PRR27: variants seen among roughly 807,000 people sequenced by gnomAD.
PRR27 encodes the protein proline-rich protein 27.
Under a neutral mutation model 16.8 loss-of-function variants are expected in PRR27, and 12 were observed. The ratio of observed to expected loss-of-function variants is 0.71; its 90% CI spans 0.46 to 1.16. The LOEUF (loss-of-function observed/expected upper bound fraction) is 1.16. Ranked by LOEUF, PRR27 falls within the 50% of genes most tolerant of loss-of-function variation. The pLI is 0.00. For missense variants in PRR27, 277 were observed against 273.3 expected, an observed-to-expected ratio of 1.01 and a Z score of -0.10; for synonymous variants, 100 against 98.4, an observed-to-expected ratio of 1.02 and a Z score of -0.10.
intron 3 of PRR27, among the ~76,000 whole-genome samples, chr4:70,160,474 T>TGTGTGTGTGTGTGTGTGTGTGTGTG (rs1553902854): frequency 6.7e-6 from 1 of 149,670 alleles, no homozygotes. Context: ...TGTGTGTGTG[T>TGTGTGTGTGTGTGTGTGTGTGTGTG]TTTCCCTTGC....
In PRR27 at chr4:70,156,227, T is replaced by C. The variant is rs565294367; in HGVS notation, c.75+150T>C. The C allele has an allele frequency of 1.2e-4, 54 of 446,900 alleles. No homozygotes were observed. The South Asian group carries it at 3.6e-3, about 30-fold the overall frequency. The allele number at this position is 446,900 out of a possible 1,614,324, so 27.7% of individuals were successfully genotyped here. On this transcript the variant is annotated intron_variant, in intron 2 of 4. Transcript: ENST00000344526. ...GTGCTATTAAACTCTTCCGATTTGA[T>C]AGAAAATATTTATGGAATATGTTTG...
rs1728564968 is a variant in PRR27 at position 70,158,859 on chromosome 4, C to A, written c.607C>A (p.Pro203Thr). Residue 203 changes from proline (P) to threonine (T), a missense_variant, in exon 3 of 5, where the codon CCT (proline) becomes ACT (threonine). Physicochemically the swap from Pro to Thr is conservative, Grantham distance 38. Coordinates refer to ENST00000344526, the MANE Select transcript of PRR27 (RefSeq NM_214711.4). ...PSPAEPATAK[P>T]AAPEPHPSPS... is the part of the protein sequence containing the mutation. Reference sequence around the variant, plus strand: ...ACCAGCTGAGCCTGCTACAGCCAAGCCTGCTGCCCCAGAACCTCACCCTTC... The same window carrying A: ...ACCAGCTGAGCCTGCTACAGCCAAGACTGCTGCCCCAGAACCTCACCCTTC... 1.2e-6 allele frequency: 2 copies of A among 1,614,012 alleles called. No individual in the cohort carries two copies. The highest frequency in any genetic ancestry group is 1.7e-6 in the Non-Finnish European group (2 of 1,179,984).
rs147899116 is a variant in PRR27 at position 70,158,412 on chromosome 4, C to A, written c.160C>A (p.Arg54Ser). Reference sequence around the variant, plus strand: ...GAATTTACCACCTCCTCTTTATTATCGCCCAGTGAATACAGTCCCCAGTTA... The same window carrying A: ...GAATTTACCACCTCCTCTTTATTATAGCCCAGTGAATACAGTCCCCAGTTA... ...IRNLPPPLYY[R>S]PVNTVPSYPG... Residue 54 changes from arginine to serine, a missense_variant, in exon 3 of 5, where the codon CGC becomes AGC. Coordinates refer to ENST00000344526, the MANE Select transcript of PRR27 (RefSeq NM_214711.4). 5.0e-6 allele frequency: 8 copies of A among 1,613,590 alleles called. No homozygotes were observed. In the Admixed American group the frequency reaches 8.3e-5, roughly 17 times the overall value.
In PRR27 at chr4:70,155,370, G is replaced by GTTT. The variant is rs113912464; in HGVS notation, c.52-673_52-671dup. Among the ~76,000 whole-genome samples, 1,114 of 143,370 alleles carry GTTT rather than the reference G, an allele frequency of 7.8e-3. 20 individuals carry two copies. Among genetic ancestry groups the GTTT allele is most frequent in the African/African-American group, 0.026 (1,031 of 39,390 alleles). 94.1% of individuals were successfully genotyped at this position (143,370 alleles called of 152,430 possible). A position where few individuals can be genotyped will look rare whatever the true frequency, so the allele number is the denominator to read the frequency against. ...CTCTTTTTTTTGTTGTATGTTTGTG[G>GTTT]TTTTTTTTTTTTTGAGACGGAGTCT... On this transcript the variant is annotated intron_variant, in intron 1 of 4. Coordinates refer to ENST00000344526, the MANE Select transcript of PRR27 (RefSeq NM_214711.4).
At position 70,154,269 on chromosome 4, in the gene PRR27, G is replaced by A; in HGVS notation, c.-107G>A. 1.1e-6 allele frequency: 1 copy of A among 924,494 alleles called. No individual in the cohort carries two copies. The highest frequency in any genetic ancestry group is 1.7e-6 in the Non-Finnish European group (1 of 596,916). The allele number at this position is 924,494 out of a possible 1,614,324, so 57.3% of individuals were successfully genotyped here. ...TTCCTAGACAGACTAAAAAAGCCAT[G>A]TATTCTTTCGTTTCTCTCTAAAAGA... On this transcript the variant is annotated 5_prime_UTR_variant, in exon 1 of 5. It removes an upstream start codon present in the reference 5' UTR. Coordinates refer to ENST00000344526, the MANE Select transcript of PRR27 (RefSeq NM_214711.4).
Position 70,156,077 on chromosome 4 carries a change from G to T in PRR27, c.75G>T (p.Glu25Asp). 7.0e-7 allele frequency: 1 copy of T among 1,419,632 alleles called. No individual in the cohort carries two copies. Among genetic ancestry groups the T allele is most frequent in the Non-Finnish European group, 9.4e-7 (1 of 1,062,570 alleles). 87.9% of individuals were successfully genotyped at this position (1,419,632 alleles called of 1,614,324 possible). A position where few individuals can be genotyped will look rare whatever the true frequency, so the allele number is the denominator to read the frequency against. ...AGAGACGGTTCCCCTTCATTGGTGA[G>T]GTAAAACTTTTTTTTCTTTACACGC... ...ARKRRFPFIG[E>D]DDNDDGHPLH... The change falls in exon 2 of 5, where the codon GAG becomes GAT. Residue 25 changes from glutamate (E) to aspartate (D), a missense_variant and splice_region_variant. Coordinates refer to ENST00000344526, the MANE Select transcript of PRR27 (RefSeq NM_214711.4).
At chr4:70,158,928 A>C (rs1385942077) in intron 3 of PRR27, 28 bp downstream of exon 3, 2 of 1,336,360 alleles carry the variant, frequency 1.5e-6, no homozygotes, top group East Asian at 2.7e-5. Flanking sequence ...TACCACTATA[A>C]TGTATGAGAA....
At position 70,166,368 on chromosome 4, in the gene PRR27, A is replaced by C. The variant is rs1251133362; in HGVS notation, c.*3707A>C. The C allele has an allele frequency of 1.3e-5, 2 of 152,042 alleles. No homozygotes were observed. The highest frequency in any genetic ancestry group is 1.3e-4 in the Admixed American group (2 of 15,252). 9.4% of individuals were successfully genotyped at this position (152,042 alleles called of 1,614,324 possible). On this transcript the variant is annotated 3_prime_UTR_variant, in exon 5 of 5. Coordinates refer to ENST00000344526, the MANE Select transcript of PRR27 (RefSeq NM_214711.4). ...CATGCATATATGTGTGTATGTATAT[A>C]TGTGTGCATGTGCATGCATAGTAAA...
intron 1 of PRR27, among the ~76,000 whole-genome samples, chr4:70,155,715 ACC>A (rs1491577495): frequency 6.8e-6 from 1 of 146,950 alleles, no homozygotes; most frequent in Non-Finnish European, 1.5e-5. Flanking sequence ...ACACACACAC[ACC>A]AGACAAAACC....
At chr4:70,155,007 C>A (rs951095222) in intron 1 of PRR27, among the ~76,000 whole-genome samples, 3 of 152,066 alleles carry the variant, frequency 2.0e-5, no homozygotes, top group African/African-American at 7.2e-5. Context: ...AAAATAATAA[C>A]ACCTACACCA....
chr4:70,165,443 C>A lies in PRR27; in HGVS notation c.*2782C>A, dbSNP rs1366407549. On this transcript the variant is annotated 3_prime_UTR_variant, in exon 5 of 5. Coordinates refer to ENST00000344526, the MANE Select transcript of PRR27 (RefSeq NM_214711.4). ...CATCACTGCATGTATTGTTTAATGT[C>A]GCTTTATGAATCCACCTTCTTCCTT... The A allele has an allele frequency of 6.6e-6, 1 of 152,008 alleles. No individual in the cohort carries two copies. Among genetic ancestry groups the A allele is most frequent in the Non-Finnish European group, 1.5e-5 (1 of 67,942 alleles). 9.4% of individuals were successfully genotyped at this position (152,008 alleles called of 1,614,324 possible).
intron 2 of PRR27, 146 bp downstream of exon 2, chr4:70,156,223 T>A (rs17148265): frequency 2.3e-6 from 1 of 444,292 alleles, no homozygotes; most frequent in South Asian, 7.2e-5. Flanking sequence ...CTCTTCCGAT[T>A]TGATAGAAAA....
chr4:70,156,027 A>G, intron 1 of PRR27, 27 bp from the exon 2 acceptor site: 1 of 1,384,192 alleles, frequency 7.2e-7, no homozygotes, highest in Non-Finnish European at 9.8e-7. Context: ...ACATAACCGC[A>G]TTAAAATATA....
Position 70,158,491 on chromosome 4 carries a change from C to T in PRR27, c.239C>T (p.Thr80Ile), listed in dbSNP as rs145347845. Residue 80 changes from threonine to isoleucine, a missense_variant, in exon 3 of 5, where the codon ACT (threonine) becomes ATT (isoleucine). Thr to Ile is a moderately conservative substitution (Grantham distance 89). Coordinates refer to ENST00000344526, the MANE Select transcript of PRR27 (RefSeq NM_214711.4). ...TGLPSYPWIL[T>I]SPGFPYVYHI... ...TTACCTTCGTATCCCTGGATTCTAA[C>T]TTCTCCTGGATTCCCCTATGTCTAT... is the stretch of plus-strand genomic sequence containing the variant. 2 of 1,614,156 alleles carry T rather than the reference C, an allele frequency of 1.2e-6. No homozygotes were observed. The highest frequency in any genetic ancestry group is 1.3e-5 in the African/African-American group (1 of 75,022).
In PRR27 at chr4:70,164,980, G is replaced by A. The variant is rs749777902; in HGVS notation, c.*2319G>A. On this transcript the variant is annotated 3_prime_UTR_variant, in exon 5 of 5. Transcript: ENST00000344526. The stretch of plus-strand genomic sequence containing the variant: ...CTTTTACTACAAGATACTGTGAAAT[G>A]TTCTGCTCTGTCAGTTGTGAAAGTA... 11 of 152,108 alleles carry A rather than the reference G, an allele frequency of 7.2e-5. No individual in the cohort carries two copies. The highest frequency in any genetic ancestry group is 1.3e-4 in the Non-Finnish European group (9 of 67,968). 9.4% of individuals were successfully genotyped at this position (152,108 alleles called of 1,614,324 possible). A position where few individuals can be genotyped will look rare whatever the true frequency, so the allele number is the denominator to read the frequency against.
At chr4:70,155,881 A>T (rs191478301) in intron 1 of PRR27, among the ~76,000 whole-genome samples, 173 bp from the exon 2 acceptor site, 1 of 152,302 alleles carries the variant, frequency 6.6e-6, no homozygotes, top group Admixed American at 6.5e-5. Flanking sequence ...GGTCAAAACC[A>T]TGTAATGATA....
At position 70,156,056 on chromosome 4, in the gene PRR27, A is replaced by G; in HGVS notation, c.54A>G (p.Arg18=). The part of the protein sequence containing the change: ...CIVCVAFARK[R]RFPFIGEDDN... ...AAATATATTTTTCTTTATTTTAGAG[A>G]CGGTTCCCCTTCATTGGTGAGGTAA... Residue 18 remains arginine (R), a splice_region_variant and synonymous_variant, in exon 2 of 5, where the codon AGA becomes AGG. Transcript: ENST00000344526. The G allele has an allele frequency of 7.0e-7, 1 of 1,436,186 alleles. No individual in the cohort carries two copies. The highest frequency in any genetic ancestry group is 9.3e-7 in the Non-Finnish European group (1 of 1,072,118). 89.0% of individuals were successfully genotyped at this position (1,436,186 alleles called of 1,614,324 possible).
At chr4:70,157,450 A>G (rs574684917) in intron 2 of PRR27, among the ~76,000 whole-genome samples, 93 of 150,098 alleles carry the variant, frequency 6.2e-4, no homozygotes, top group African/African-American at 2.2e-3. Flanking sequence ...TATTATATAT[A>G]ATAATAATAT....
At position 70,154,398 on chromosome 4, in the gene PRR27, G is replaced by C. The variant is rs559739944; in HGVS notation, c.23G>C (p.Cys8Ser). 9 of 1,612,950 alleles carry C rather than the reference G, an allele frequency of 5.6e-6. No homozygotes were observed. The South Asian group carries it at 7.7e-5, about 14-fold the overall frequency. ...AAAATGAAGCTTCTCCTTTGGGCCT[G>C]CATTGTATGTGTTGCTTTTGCAAGG... is the stretch of plus-strand genomic sequence containing the variant. MKLLLWA[C>S]IVCVAFARKR... Residue 8 changes from cysteine to serine, a missense_variant, in exon 1 of 5, where the codon TGC becomes TCC. Cys to Ser is a moderately radical substitution (Grantham distance 112). Transcript: ENST00000344526.
Sources: gnomAD v4.1 joint callset for allele counts (sites outside exome capture counted in the v4.1 genomes callset) on GRCh38, gnomAD v4.1.1 for gene constraint, MANE v1.5 for transcripts, NCBI Gene and HGNC (gene_info 2026-07-23, HGNC 2026-07-21) for gene names.